The following UBA6 variants were observed in gnomAD, a reference collection of about 807,000 sequenced individuals.
UBA6 encodes ubiquitin-like modifier-activating enzyme 6.
A neutral mutation model predicts 148.3 loss-of-function variants in UBA6; 87 were observed. The observed-to-expected ratio is 0.59, with a 90% CI of 0.49 to 0.70. The LOEUF (loss-of-function observed/expected upper bound fraction) is 0.70, where lower values mean the gene tolerates loss of function less well. Among genes scored for constraint, UBA6 ranks in the 30% least tolerant of loss-of-function variants. The pLI is 0.00. For missense variants in UBA6, 1,186 were observed against 1,241.2 expected (o/e 0.96, Z 0.67); for synonymous variants, 376 against 401.0 (o/e 0.94, Z 0.75).
At chr4:67,672,429 G>A (rs1730171519) in intron 7 of UBA6, among the ~76,000 whole-genome samples, 1 of 152,138 alleles carries the variant, frequency 6.6e-6, no homozygotes, top group Non-Finnish European at 1.5e-5. Context: ...CGAGTGTGCA[G>A]AACCACTGAA....
chr4:67,687,034 G>GTTTTTTTT (rs71219066), intron 2 of UBA6, among the ~76,000 whole-genome samples: 1 of 82,520 alleles, frequency 1.2e-5, no homozygotes, highest in Non-Finnish European at 2.3e-5. Flanking sequence ...TTAAGACTAT[G>GTTTTTTTT]TTTTTTTTTT....
At chr4:67,659,714 T>C (rs998181262) in intron 13 of UBA6, among the ~76,000 whole-genome samples, 5 of 91,718 alleles carry the variant, frequency 5.5e-5, no homozygotes, top group Non-Finnish European at 1.3e-4. Flanking sequence ...GGTGCTGAGA[T>C]AAAGATACCC....
intron 32 of UBA6, among the ~76,000 whole-genome samples, chr4:67,622,038 TA>T (rs989209622): frequency 6.6e-6 from 1 of 152,016 alleles, no homozygotes; most frequent in African/African-American, 2.4e-5. Flanking sequence ...AGGGAACAAC[TA>T]AAGCAAAGGT....
chr4:67,698,403 T>C (rs1269343541), intron 1 of UBA6, among the ~76,000 whole-genome samples: 3 of 152,232 alleles, frequency 2.0e-5, no homozygotes, highest in Non-Finnish European at 2.9e-5. Context: ...TAGATAACCC[T>C]GTGCTACATA....
At chr4:67,646,083 A>T (rs1218139083) in intron 15 of UBA6, 67 bp from the exon 16 acceptor site, 1 of 864,354 alleles carries the variant, frequency 1.2e-6, no homozygotes, top group Non-Finnish European at 1.8e-6. Context: ...ACTGTCATTA[A>T]TACCAATTTA....
intron 4 of UBA6, among the ~76,000 whole-genome samples, chr4:67,680,873 T>C (rs1339927852): frequency 1.3e-5 from 2 of 152,156 alleles, no homozygotes; most frequent in Non-Finnish European, 2.9e-5. Flanking sequence ...AGGGTGACCT[T>C]TGGTCAAGAG....
chr4:67,646,359 T>C (rs1331459514), intron 15 of UBA6, among the ~76,000 whole-genome samples: 1 of 152,128 alleles, frequency 6.6e-6, no homozygotes, highest in Non-Finnish European at 1.5e-5. Flanking sequence ...GAAATTTGGG[T>C]TATGTGTATT....
intron 29 of UBA6, 36 bp from the exon 30 acceptor site, chr4:67,624,289 C>A (rs1486640472): frequency 1.9e-6 from 3 of 1,551,742 alleles, no homozygotes; most frequent in Non-Finnish European, 2.6e-6. Flanking sequence ...ATATAAACAG[C>A]CTAAAACTAT....
chr4:67,651,808 A>G (rs1051496906), intron 13 of UBA6, among the ~76,000 whole-genome samples: 2 of 152,198 alleles, frequency 1.3e-5, no homozygotes, highest in South Asian at 4.1e-4. Flanking sequence ...AAAACTGTTG[A>G]CAAAAATGCC....
At chr4:67,626,267 T>C (rs1488836040) in intron 28 of UBA6, 93 bp downstream of exon 28, 4 of 740,748 alleles carry the variant, frequency 5.4e-6, no homozygotes, top group Non-Finnish European at 9.5e-6. Context: ...ATTATTATTG[T>C]TGTGATTAAA....
chr4:67,627,517 G>A (rs1020716147), intron 27 of UBA6, among the ~76,000 whole-genome samples: 7 of 152,088 alleles, frequency 4.6e-5, no homozygotes, highest in South Asian at 4.2e-4. Context: ...GGAAAGTAAA[G>A]TTAAAGCATT....
In UBA6 at chr4:67,631,856, C is replaced by A. The variant is rs768775860; in HGVS notation, c.2194+1G>T. The A allele has an allele frequency of 6.2e-7, 1 of 1,611,862 alleles. No individual in the cohort carries two copies. On this transcript the variant is annotated splice_donor_variant, in intron 24 of 32. Transcript: ENST00000322244. LOFTEE classifies it high-confidence loss of function. Reference sequence around the variant, plus strand: ...AATTTATTCTCAACATTTATACTTACTGCCATCTTTTAATCGTATGTCCAG... The same window carrying A: ...AATTTATTCTCAACATTTATACTTAATGCCATCTTTTAATCGTATGTCCAG...
At chr4:67,699,169 G>C (rs1366767461) in intron 1 of UBA6, among the ~76,000 whole-genome samples, 2 of 152,190 alleles carry the variant, frequency 1.3e-5, no homozygotes, top group Non-Finnish European at 1.5e-5. Context: ...CCCAGGTACA[G>C]GGAACCAGTC....
At chr4:67,632,357 G>A (rs1729018692) in intron 23 of UBA6, among the ~76,000 whole-genome samples, 1 of 152,122 alleles carries the variant, frequency 6.6e-6, no homozygotes, top group Non-Finnish European at 1.5e-5. Context: ...AGAATGAACG[G>A]GAATGGTGAT....
Position 67,682,167 on chromosome 4 carries a change from T to G in UBA6, c.181A>C (p.Lys61Gln), listed in dbSNP as rs766639953. 1.9e-6 allele frequency: 3 copies of G among 1,613,958 alleles called. No individual in the cohort carries two copies. The highest frequency in any genetic ancestry group is 2.5e-6 in the Non-Finnish European group (3 of 1,179,918). ...LGDTAMQKMA[K>Q]SHVFLSGMGG... ...ATCCCACTTAAGAAAACATGGGACT[T>G]GGCCATCTTCTGCATTGCTGTGTCT... Residue 61 changes from lysine (K) to glutamine (Q), a missense_variant, in exon 3 of 33, where the codon AAG (lysine) becomes CAG (glutamine). Transcript: ENST00000322244.
chr4:67,647,770 A>G (rs532678208), intron 14 of UBA6, among the ~76,000 whole-genome samples: 7 of 148,242 alleles, frequency 4.7e-5, no homozygotes, highest in Non-Finnish European at 1.0e-4. Flanking sequence ...ATTATTTCTC[A>G]TGGTGTTTTT....
chr4:67,660,429 G>A (rs1729819684), intron 13 of UBA6, among the ~76,000 whole-genome samples: 1 of 152,168 alleles, frequency 6.6e-6, no homozygotes, highest in Non-Finnish European at 1.5e-5. Flanking sequence ...TGTCCCAGCT[G>A]TGGCTAAAAG....
At chr4:67,624,876 G>T in intron 29 of UBA6, 118 bp downstream of exon 29, 3 of 748,996 alleles carry the variant, frequency 4.0e-6, no homozygotes, top group Non-Finnish European at 6.1e-6. Context: ...TAAATTATGA[G>T]ATCCAATATT....
intron 1 of UBA6, among the ~76,000 whole-genome samples, chr4:67,697,199 T>C (rs566653663): frequency 1.6e-4 from 24 of 152,280 alleles, no homozygotes; most frequent in African/African-American, 5.5e-4. Context: ...GAGATGGGGT[T>C]TTACCATGTT....
Sources: gnomAD v4.1 joint callset for allele counts (sites outside exome capture counted in the v4.1 genomes callset) on GRCh38, gnomAD v4.1.1 for gene constraint, MANE v1.5 for transcripts, NCBI Gene and HGNC (gene_info 2026-07-23, HGNC 2026-07-21) for gene names.